Variants in GPC6 observed in about 807,000 individuals in gnomAD.
GPC6 encodes the protein glypican-6.
GPC6 carries 14 observed loss-of-function variants against 55.2 expected under a neutral mutation model. That is an observed-to-expected ratio of 0.25 (90% confidence interval 0.17 to 0.40). GPC6 has a LOEUF of 0.40. GPC6 is among the 10% of genes least tolerant of loss of function. The pLI is 1.00. For synonymous variants in GPC6, 278 were observed against 259.6 expected (o/e 1.07, Z -0.68); for missense variants, 641 against 708.5 (o/e 0.90, Z 1.08).
At chr13:93,825,860 C>CTTTTTTTTTTTTTTTTTT (rs1029574657) in intron 2 of GPC6, among the ~76,000 whole-genome samples, 1 of 124,182 alleles carries the variant, frequency 8.1e-6, no homozygotes, top group Non-Finnish European at 1.7e-5. Context: ...TTATTATTTT[C>CTTTTTTTTTTTTTTTTTT]TTTTTTTTTT....
At chr13:93,513,205 C>T (rs769669552) in intron 1 of GPC6, among the ~76,000 whole-genome samples, 2 of 152,324 alleles carry the variant, frequency 1.3e-5, no homozygotes, top group Non-Finnish European at 2.9e-5. Flanking sequence ...GTAGTTTCCA[C>T]CTTTTTTATT....
intron 6 of GPC6, among the ~76,000 whole-genome samples, chr13:94,333,706 A>G (rs1457986910): frequency 6.6e-6 from 1 of 152,226 alleles, no homozygotes; most frequent in African/African-American, 2.4e-5. Context: ...GAAGCTAAGT[A>G]TGTTTCCCTG....
At chr13:93,469,448 G>A (rs1044256318) in intron 1 of GPC6, among the ~76,000 whole-genome samples, 9 of 151,966 alleles carry the variant, frequency 5.9e-5, no homozygotes, top group African/African-American at 2.2e-4. Context: ...CCATCCTTTG[G>A]TTCTATTAAC....
At chr13:93,450,025 G>A (rs1376719313) in intron 1 of GPC6, among the ~76,000 whole-genome samples, 1 of 151,890 alleles carries the variant, frequency 6.6e-6, no homozygotes, top group African/African-American at 2.4e-5. Context: ...CTCGTGACCT[G>A]CCTGCCTCAG....
At chr13:94,192,602 ATGTT>A (rs1250092108) in intron 4 of GPC6, among the ~76,000 whole-genome samples, 1 of 152,172 alleles carries the variant, frequency 6.6e-6, no homozygotes, top group African/African-American at 2.4e-5. Flanking sequence ...AGCAGACTAA[ATGTT>A]TGTGATGTTG....
intron 4 of GPC6, among the ~76,000 whole-genome samples, chr13:94,204,038 T>C (rs1189006294): frequency 6.6e-6 from 1 of 152,156 alleles, no homozygotes; most frequent in Non-Finnish European, 1.5e-5. Context: ...TTTGAAGGAA[T>C]ATCCAATAAA....
chr13:93,623,236 G>A lies in GPC6; in HGVS notation c.319+77815G>A, dbSNP rs187060227. Among the ~76,000 whole-genome samples, 211 of 152,202 alleles carry A rather than the reference G, an allele frequency of 1.4e-3. 1 individual carries two copies. Among genetic ancestry groups the A allele is most frequent in the Non-Finnish European group, 1.4e-3 (95 of 68,028 alleles). ...AAAAAAAAAATAATAAAAAGCCATAGGAGTGCAGATATCTCCTTGACATAC... is the reference window on the plus strand; with the variant it reads ...AAAAAAAAAATAATAAAAAGCCATAAGAGTGCAGATATCTCCTTGACATAC... On this transcript the variant is annotated intron_variant, in intron 2 of 8. Transcript: ENST00000377047.
intron 3 of GPC6, 45 bp downstream of exon 3, chr13:93,830,590 T>G (rs772376956): frequency 3.4e-6 from 5 of 1,481,912 alleles, no homozygotes; most frequent in Admixed American, 1.9e-5. Flanking sequence ...TCCTTGTTTA[T>G]TCTGTTTTTA....
chr13:93,955,333 G>A (rs1863500722), intron 3 of GPC6, among the ~76,000 whole-genome samples: 1 of 148,402 alleles, frequency 6.7e-6, no homozygotes, highest in Admixed American at 6.8e-5. Context: ...ATACAGTCTA[G>A]GTCTATATGA....
intron 1 of GPC6, among the ~76,000 whole-genome samples, chr13:93,236,736 A>C (rs978337294): frequency 1.3e-5 from 2 of 152,224 alleles, no homozygotes; most frequent in South Asian, 4.1e-4. Context: ...CCTGGTGCCA[A>C]AAAGGTTGGG....
intron 1 of GPC6, among the ~76,000 whole-genome samples, chr13:93,440,667 T>G (rs1371218210): frequency 6.8e-6 from 1 of 146,974 alleles, no homozygotes; most frequent in Admixed American, 7.0e-5. Context: ...AGCATGCAAG[T>G]CTTGCATTTA....
At chr13:93,448,592 C>T (rs1271553238) in intron 1 of GPC6, among the ~76,000 whole-genome samples, 2 of 152,128 alleles carry the variant, frequency 1.3e-5, no homozygotes, top group African/African-American at 4.8e-5. Flanking sequence ...TATCCAGATA[C>T]TAATTAAATA....
chr13:94,246,812 G>A (rs561177354), intron 4 of GPC6, among the ~76,000 whole-genome samples: 8 of 151,678 alleles, frequency 5.3e-5, no homozygotes, highest in African/African-American at 1.7e-4. Context: ...TCCAACTTTG[G>A]GTTTTTTTTC....
chr13:94,286,335 CTG>C lies in GPC6; in HGVS notation c.878-12_878-11del, dbSNP rs1192180675. 6.2e-7 allele frequency: 1 copy of C among 1,613,224 alleles called. No individual in the cohort carries two copies. Among genetic ancestry groups the C allele is most frequent in the Non-Finnish European group, 8.5e-7 (1 of 1,179,588 alleles). On this transcript the variant is annotated splice_polypyrimidine_tract_variant and intron_variant, in intron 4 of 8. Coordinates refer to ENST00000377047, the MANE Select transcript of GPC6 (RefSeq NM_005708.5). ...CCCAGTTTGCAAATAAATCATGTTCCTGTATTTTAACAGATGCAATGCTCTTG... is the reference window on the plus strand; with the variant it reads ...CCCAGTTTGCAAATAAATCATGTTCCTATTTTAACAGATGCAATGCTCTTG...
At chr13:94,349,014 T>C (rs920066454) in intron 6 of GPC6, among the ~76,000 whole-genome samples, 3 of 152,346 alleles carry the variant, frequency 2.0e-5, no homozygotes, top group South Asian at 2.1e-4. Flanking sequence ...AACAAATACA[T>C]GTGCCTACGA....
intron 4 of GPC6, among the ~76,000 whole-genome samples, chr13:94,053,730 T>C (rs1325977900): frequency 6.6e-6 from 1 of 152,152 alleles, no homozygotes; most frequent in Non-Finnish European, 1.5e-5. Flanking sequence ...AGTTGATACT[T>C]AGGGAAACAA....
intron 1 of GPC6, among the ~76,000 whole-genome samples, chr13:93,240,350 G>T (rs576543588): frequency 6.6e-6 from 1 of 152,194 alleles, no homozygotes; most frequent in East Asian, 1.9e-4. Context: ...TTCTTGTTGA[G>T]TTGACCAACT....
chr13:93,570,356 T>C (rs1356423571), intron 2 of GPC6, among the ~76,000 whole-genome samples: 1 of 152,172 alleles, frequency 6.6e-6, no homozygotes, highest in East Asian at 1.9e-4. Flanking sequence ...CAGTACCCAC[T>C]AGTGAATACC....
chr13:93,909,755 A>T (rs1168738656), intron 3 of GPC6, among the ~76,000 whole-genome samples: 2 of 152,144 alleles, frequency 1.3e-5, no homozygotes, highest in African/African-American at 4.8e-5. Flanking sequence ...CTTAACCTTT[A>T]TTTGAGAAGC....
Sources: allele counts gnomAD v4.1 joint callset (sites outside exome capture counted in the v4.1 genomes callset), GRCh38; gene constraint gnomAD v4.1.1; transcripts MANE v1.5; gene names NCBI Gene and HGNC (gene_info 2026-07-23, HGNC 2026-07-21).